Variants in C18orf54 observed in about 807,000 individuals in gnomAD.
C18orf54 encodes lung adenoma susceptibility protein 2.
Under a neutral mutation model 49.3 loss-of-function variants are expected in C18orf54, and 49 were observed. The ratio of observed to expected loss-of-function variants is 0.99; its 90% CI spans 0.79 to 1.26. The LOEUF (loss-of-function observed/expected upper bound fraction) is 1.26. C18orf54 is among the 50% of genes most tolerant of loss of function. C18orf54 has a pLI of 0.00. For missense variants in C18orf54, 687 were observed against 620.6 expected, an observed-to-expected ratio of 1.11 and a Z score of -1.14; for synonymous variants, 211 against 216.6, an observed-to-expected ratio of 0.97 and a Z score of 0.23.
intron 7 of C18orf54, among the ~76,000 whole-genome samples, chr18:54,373,212 G>A (rs2089518681): frequency 6.6e-6 from 1 of 151,696 alleles, no homozygotes; most frequent in Admixed American, 6.6e-5. Flanking sequence ...ATATGATTGT[G>A]AATTCTGTCA....
chr18:54,375,900 C>T (rs534947550), intron 8 of C18orf54, among the ~76,000 whole-genome samples: 2 of 11,322 alleles, frequency 1.8e-4, no homozygotes, highest in Admixed American at 1.0e-3. Flanking sequence ...TAAGCTTAGA[C>T]TTACAAAAGT....
At chr18:54,374,763 A>G (rs2089542820) in intron 8 of C18orf54, among the ~76,000 whole-genome samples, 1 of 151,936 alleles carries the variant, frequency 6.6e-6, no homozygotes, top group Admixed American at 6.6e-5. Flanking sequence ...GAAAAATACA[A>G]GTTGTTTCTA....
At chr18:54,370,121 T>TA (rs1403854334) in intron 6 of C18orf54, among the ~76,000 whole-genome samples, 1 of 151,794 alleles carries the variant, frequency 6.6e-6, no homozygotes, top group African/African-American at 2.4e-5. Flanking sequence ...CTAAAAAATA[T>TA]AAAAAATGAG....
In C18orf54 at chr18:54,361,895, A is replaced by G. The variant is rs1326331480; in HGVS notation, c.536A>G (p.Lys179Arg). 2 of 1,614,054 alleles carry G rather than the reference A, an allele frequency of 1.2e-6. No homozygotes were observed. The highest frequency in any genetic ancestry group is 2.7e-5 in the African/African-American group (2 of 74,926). ...CAAGGACCCTACACTTCCATGGGCA[A>G]GGATAACTTTGTTACTCCTGTTATA... Reference protein sequence around the residue: ...HFQGPYTSMGKDNFVTPVIRS... With the variant: ...HFQGPYTSMGRDNFVTPVIRS... Residue 179 changes from lysine (K) to arginine (R), a missense_variant, in exon 4 of 9, where the codon AAG (lysine) becomes AGG (arginine). Coordinates refer to ENST00000620105, the MANE Select transcript of C18orf54 (RefSeq NM_001288980.2).
In C18orf54 at chr18:54,360,529, G is replaced by A; in HGVS notation, c.-44G>A. Reference sequence around the variant, plus strand: ...AACATTTCGTTTTTGTATTACAGTTGTTTTTAAGGGAAATGAATAGAAACA... The same window carrying A: ...AACATTTCGTTTTTGTATTACAGTTATTTTTAAGGGAAATGAATAGAAACA... On this transcript the variant is annotated splice_region_variant and 5_prime_UTR_variant, in exon 3 of 9. Coordinates refer to ENST00000620105, the MANE Select transcript of C18orf54 (RefSeq NM_001288980.2). 1.3e-5 allele frequency: 20 copies of A among 1,588,298 alleles called. No homozygotes were observed. The highest frequency in any genetic ancestry group is 1.7e-5 in the Non-Finnish European group (20 of 1,165,940).
At chr18:54,378,088 C>A in intron 8 of C18orf54, 86 bp from the exon 9 acceptor site, 2 of 361,670 alleles carry the variant, frequency 5.5e-6, no homozygotes, top group East Asian at 6.3e-5. Flanking sequence ...AGTTAATAGT[C>A]AACTTTATTT....
chr18:54,376,458 C>G (rs550867011), intron 8 of C18orf54, among the ~76,000 whole-genome samples: 1 of 151,512 alleles, frequency 6.6e-6, no homozygotes, highest in Non-Finnish European at 1.5e-5. Flanking sequence ...CTCGGCCTTC[C>G]AAAGTGCTGG....
In C18orf54 at chr18:54,361,827, T is replaced by C; in HGVS notation, c.468T>C (p.Arg156=). ...HRTSKKNKKC[R]GRLGSLDIEK... ...CGAGCAAGAAAAACAAGAAATGCCGTGGAAGACTGGGTTCATTGGACATTG... is the reference window on the plus strand; with the variant it reads ...CGAGCAAGAAAAACAAGAAATGCCGCGGAAGACTGGGTTCATTGGACATTG... The change falls in exon 4 of 9, where the codon CGT becomes CGC. Residue 156 remains arginine, a synonymous_variant. Transcript: ENST00000620105. 2 of 1,614,106 alleles carry C rather than the reference T, an allele frequency of 1.2e-6. No homozygotes were observed. The highest frequency in any genetic ancestry group is 1.7e-6 in the Non-Finnish European group (2 of 1,179,992).
Position 54,367,535 on chromosome 18 carries a change from A to G in C18orf54, c.1326+1714A>G, listed in dbSNP as rs570075507. Among the ~76,000 whole-genome samples, 196 of 30,044 alleles carry G rather than the reference A, an allele frequency of 6.5e-3. No individual in the cohort carries two copies. In the African/African-American group the frequency reaches 0.071, roughly 11 times the overall value. 19.7% of individuals were successfully genotyped at this position (30,044 alleles called of 152,430 possible). A position where few individuals can be genotyped will look rare whatever the true frequency, so the allele number is the denominator to read the frequency against. ...GCGATTTTTCTTTTCAGCCCTTTGA[A>G]TGTATCATCCATCCTCTCCTGGCCT... On this transcript the variant is annotated intron_variant, in intron 6 of 8. Coordinates refer to ENST00000620105, the MANE Select transcript of C18orf54 (RefSeq NM_001288980.2).
Position 54,361,813 on chromosome 18 carries a change from A to G in C18orf54, c.454A>G (p.Asn152Asp), listed in dbSNP as rs781708579. ...ACCGAGTCACCGAACGAGCAAGAAA[A>G]ACAAGAAATGCCGTGGAAGACTGGG... ...VGPSHRTSKK[N>D]KKCRGRLGSL... The change falls in exon 4 of 9, where the codon AAC becomes GAC. Residue 152 changes from asparagine to aspartate, a missense_variant. By Grantham distance (23) the Asn-to-Asp change is conservative (BLOSUM62 1). Transcript: ENST00000620105. 5.6e-6 allele frequency: 9 copies of G among 1,613,998 alleles called. No homozygotes were observed. The highest frequency in any genetic ancestry group is 7.6e-6 in the Non-Finnish European group (9 of 1,180,006).
In C18orf54 at chr18:54,378,293, A is replaced by T; in HGVS notation, c.*47A>T. The T allele has an allele frequency of 6.6e-7, 1 of 1,509,606 alleles. No homozygotes were observed. Among genetic ancestry groups the T allele is most frequent in the Non-Finnish European group, 9.2e-7 (1 of 1,090,254 alleles). 93.5% of individuals were successfully genotyped at this position (1,509,606 alleles called of 1,614,324 possible). ...CACAATGAATAGTCACCACAGAACAAATAGGCATTTTTTCTATTACTTAAA... is the reference window on the plus strand; with the variant it reads ...CACAATGAATAGTCACCACAGAACATATAGGCATTTTTTCTATTACTTAAA... On this transcript the variant is annotated 3_prime_UTR_variant, in exon 9 of 9. Coordinates refer to ENST00000620105, the MANE Select transcript of C18orf54 (RefSeq NM_001288980.2).
In C18orf54 at chr18:54,360,835, A is replaced by AGT. The variant is rs762672401; in HGVS notation, c.263_264insGT (p.Tyr88Ter). The change falls in exon 3 of 9, where the codon TAT (tyrosine) becomes TAGTT (stop). Residue 88 changes from tyrosine (Y) to a stop codon, truncating the protein, a stop_gained and frameshift_variant. Coordinates refer to ENST00000620105, the MANE Select transcript of C18orf54 (RefSeq NM_001288980.2). LOFTEE classifies it high-confidence loss of function. ...DFTNMSQFCNYIYKPNNAFEN... is the reference protein window; with the variant it reads ...DFTNMSQFCN ...ACTAATATGTCACAGTTCTGCAACTATATTTACAAACCAAACAATGGTATG... is the reference window on the plus strand; with the variant it reads ...ACTAATATGTCACAGTTCTGCAACTAGTTATTTACAAACCAAACAATGGTATG... The AGT allele has an allele frequency of 6.2e-7, 1 of 1,612,072 alleles. No individual in the cohort carries two copies. The highest frequency in any genetic ancestry group is 1.7e-5 in the Admixed American group (1 of 60,006).
At chr18:54,359,077 A>G (rs943303350) in intron 2 of C18orf54, among the ~76,000 whole-genome samples, 3 of 152,236 alleles carry the variant, frequency 2.0e-5, no homozygotes, top group Admixed American at 6.5e-5. Flanking sequence ...AAAACTTTTC[A>G]TAATGAAACT....
chr18:54,374,704 A>C (rs1019760769), intron 8 of C18orf54, among the ~76,000 whole-genome samples: 42 of 151,880 alleles, frequency 2.8e-4, no homozygotes, highest in African/African-American at 9.7e-4. Context: ...CCTGGATATA[A>C]AGATAGGTCT....
rs960180551 is a variant in C18orf54 at position 54,378,468 on chromosome 18, A to C, written c.*222A>C. 21 of 394,364 alleles carry C rather than the reference A, an allele frequency of 5.3e-5. No individual in the cohort carries two copies. Among genetic ancestry groups the C allele is most frequent in the Non-Finnish European group, 2.3e-5 (5 of 220,190 alleles). 24.4% of individuals were successfully genotyped at this position (394,364 alleles called of 1,614,324 possible). On this transcript the variant is annotated 3_prime_UTR_variant, in exon 9 of 9. Transcript: ENST00000620105. ...TAGAATGTGAACTGCAAGGACCCAC[A>C]ATATATCCTGAAGTCTTACTTTCGC...
In C18orf54 at chr18:54,380,316, G is replaced by A. The variant is rs2089644865; in HGVS notation, c.*2070G>A. On this transcript the variant is annotated 3_prime_UTR_variant, in exon 9 of 9. Coordinates refer to ENST00000620105, the MANE Select transcript of C18orf54 (RefSeq NM_001288980.2). ...ATGAGAACATAAGATTTTTAAAATTGCATTGTGAATGTAAAATTTTTATCA... is the reference window on the plus strand; with the variant it reads ...ATGAGAACATAAGATTTTTAAAATTACATTGTGAATGTAAAATTTTTATCA... 6.6e-6 allele frequency: 1 copy of A among 151,946 alleles called. No homozygotes were observed. The highest frequency in any genetic ancestry group is 6.6e-5 in the Admixed American group (1 of 15,256). The allele number at this position is 151,946 out of a possible 1,614,324, so 9.4% of individuals were successfully genotyped here. A position where few individuals can be genotyped will look rare whatever the true frequency, so the allele number is the denominator to read the frequency against.
rs1243398381 is a variant in C18orf54, at chr18:54,361,899, T to A, written c.540T>A (p.Asp180Glu). The change falls in exon 4 of 9, where the codon GAT (aspartate) becomes GAA (glutamate). Residue 180 changes from aspartate to glutamate, a missense_variant. Transcript: ENST00000620105. ...FQGPYTSMGKDNFVTPVIRSN... is the reference protein window; with the variant it reads ...FQGPYTSMGKENFVTPVIRSN... Reference sequence around the variant, plus strand: ...GACCCTACACTTCCATGGGCAAGGATAACTTTGTTACTCCTGTTATACGCT... The same window carrying A: ...GACCCTACACTTCCATGGGCAAGGAAAACTTTGTTACTCCTGTTATACGCT... The A allele has an allele frequency of 6.2e-7, 1 of 1,614,158 alleles. No individual in the cohort carries two copies. The highest frequency in any genetic ancestry group is 1.1e-5 in the South Asian group (1 of 91,072).
Position 54,362,244 on chromosome 18 carries a change from G to T in C18orf54, c.885G>T (p.Gln295His), listed in dbSNP as rs1157235351. The part of the protein sequence containing the change: ...DDQCSPRHSH[Q>H]AQGTSRLINK... Reference sequence around the variant, plus strand: ...AGTGTTCCCCTAGACATAGTCATCAGGCACAAGGAACTTCTCGGCTTATCA... The same window carrying T: ...AGTGTTCCCCTAGACATAGTCATCATGCACAAGGAACTTCTCGGCTTATCA... Residue 295 changes from glutamine (Q) to histidine (H), a missense_variant, in exon 4 of 9, where the codon CAG (glutamine) becomes CAT (histidine). Physicochemically the swap from Gln to His is conservative, Grantham distance 24. Coordinates refer to ENST00000620105, the MANE Select transcript of C18orf54 (RefSeq NM_001288980.2). 8 of 1,536,442 alleles carry T rather than the reference G, an allele frequency of 5.2e-6. No individual in the cohort carries two copies. Among genetic ancestry groups the T allele is most frequent in the Non-Finnish European group, 7.0e-6 (8 of 1,146,942 alleles).
intron 4 of C18orf54, 35 bp downstream of exon 4, chr18:54,362,466 TTTC>T (rs1250178548): frequency 7.0e-7 from 1 of 1,426,106 alleles, no homozygotes; most frequent in African/African-American, 1.4e-5. Flanking sequence ...GTTATTTATT[TTTC>T]TTTTTTTTAA....
Sources: gnomAD v4.1 joint callset for allele counts (sites outside exome capture counted in the v4.1 genomes callset) on GRCh38, gnomAD v4.1.1 for gene constraint, MANE v1.5 for transcripts, NCBI Gene and HGNC (gene_info 2026-07-23, HGNC 2026-07-21) for gene names.